Variants in PCDHGA2 observed in about 807,000 individuals in gnomAD.
PCDHGA2 encodes protocadherin gamma subfamily A, 2.
Under a neutral mutation model 59.2 loss-of-function variants are expected in PCDHGA2, and 40 were observed. The observed-to-expected ratio is 0.68, with a 90% CI of 0.52 to 0.88. The LOEUF is 0.88. PCDHGA2 is among the 40% of genes least tolerant of loss of function. The pLI, the probability that PCDHGA2 is intolerant of heterozygous loss-of-function variation, is 0.00. For missense variants in PCDHGA2, 1,226 were observed against 1,204.0 expected, an observed-to-expected ratio of 1.02 and a Z score of -0.27; for synonymous variants, 560 against 526.0, an observed-to-expected ratio of 1.06 and a Z score of -0.89.
At chr5:141,365,152 CG>C in intron 1 of PCDHGA2, 1 of 1,613,880 alleles carries the variant, frequency 6.2e-7, no homozygotes, top group South Asian at 1.1e-5. Context: ...AGGGAATAAA[CG>C]GGAAATTGAC....
chr5:141,432,133 C>G lies in PCDHGA2; in HGVS notation c.2425-62674C>G. ...CGGTCTTCCCTCAGGCCTCCTATTC[C>G]GCTTATATCCCAGAGAACAATCCCA... On this transcript the variant is annotated intron_variant, in intron 1 of 3. Transcript: ENST00000394576. The surrounding 1 kb of genome is among the most constrained non-coding windows in gnomAD (Gnocchi z 6.0). 1 of 1,614,142 alleles carries G rather than the reference C, an allele frequency of 6.2e-7. No homozygotes were observed. The highest frequency in any genetic ancestry group is 1.1e-5 in the South Asian group (1 of 91,070).
intron 1 of PCDHGA2, among the ~76,000 whole-genome samples, chr5:141,443,695 A>G (rs1324985529): frequency 1.3e-5 from 2 of 152,272 alleles, no homozygotes; most frequent in Non-Finnish European, 2.9e-5. Context: ...TTCAAAAATT[A>G]TAGAATAACA....
chr5:141,370,167 G>A, intron 1 of PCDHGA2: 3 of 459,112 alleles, frequency 6.5e-6, no homozygotes, highest in Non-Finnish European at 1.1e-5. Context: ...TGCAGCAGAG[G>A]CGCCGGGTGC....
At position 141,497,121 on chromosome 5, in the gene PCDHGA2, G is replaced by T. The variant is rs185298630; in HGVS notation, c.2483+2256G>T. Among the ~76,000 whole-genome samples, 563 of 152,212 alleles carry T rather than the reference G, an allele frequency of 3.7e-3. 5 individuals are homozygous for T. The highest frequency in any genetic ancestry group is 0.011 in the Admixed American group (164 of 15,296). On this transcript the variant is annotated intron_variant, in intron 2 of 3. Coordinates refer to ENST00000394576, the MANE Select transcript of PCDHGA2 (RefSeq NM_018915.4). Reference sequence around the variant, plus strand: ...GAACTGCTTGAACCCGGAAGGCAGAGGTTGCAGTGAGCTGAGATCACGAAA... The same window carrying T: ...GAACTGCTTGAACCCGGAAGGCAGATGTTGCAGTGAGCTGAGATCACGAAA...
At chr5:141,370,093 C>T (rs1766669679) in intron 1 of PCDHGA2, among the ~76,000 whole-genome samples, 1 of 152,218 alleles carries the variant, frequency 6.6e-6, no homozygotes, top group South Asian at 2.1e-4. Flanking sequence ...TATCAGTACA[C>T]TGCCGATTTT....
rs1757029719 is a variant in PCDHGA2, at chr5:141,341,182, C to T, written c.2211C>T (p.Ser737=). The change falls in exon 1 of 4, where the codon AGC becomes AGT. Residue 737 remains serine (S), a synonymous_variant. Coordinates refer to ENST00000394576, the MANE Select transcript of PCDHGA2 (RefSeq NM_018915.4). ...GAGGCAGCTTGACAGGCATGCAGAG[C>T]TCGCACTTTGTGGGCGTGGACGGGG... ...ASGGSLTGMQ[S]SHFVGVDGVR... The T allele has an allele frequency of 6.2e-7, 1 of 1,612,642 alleles. No homozygotes were observed. Among genetic ancestry groups the T allele is most frequent in the African/African-American group, 1.3e-5 (1 of 74,928 alleles).
intron 1 of PCDHGA2, among the ~76,000 whole-genome samples, chr5:141,445,248 T>C (rs1264046214): frequency 6.6e-6 from 1 of 152,224 alleles, no homozygotes; most frequent in African/African-American, 2.4e-5. Flanking sequence ...CACTATATTG[T>C]GTGAGAATAT....
chr5:141,490,317 C>A lies in PCDHGA2; in HGVS notation c.2425-4490C>A, dbSNP rs2233604. ...TATTGGCCTCTTTGGCCAACCCTGT[C>A]CTAGAGAGCACACCAGTGGGCACAG... On this transcript the variant is annotated intron_variant, in intron 1 of 3. Coordinates refer to ENST00000394576, the MANE Select transcript of PCDHGA2 (RefSeq NM_018915.4). The surrounding 1 kb of genome is among the most constrained non-coding windows in gnomAD (Gnocchi z 5.4). 32,069 of 1,614,158 alleles carry A rather than the reference C, an allele frequency of 0.02. 521 individuals carry two copies. Among genetic ancestry groups the A allele is most frequent in the African/African-American group, 0.081 (6,098 of 75,022 alleles).
At chr5:141,498,632 A>G (rs2099784830) in intron 2 of PCDHGA2, among the ~76,000 whole-genome samples, 1 of 152,118 alleles carries the variant, frequency 6.6e-6, no homozygotes, top group South Asian at 2.1e-4. Context: ...CACTGCCTAG[A>G]CAGAAGGAAG....
rs1331251272 is a variant in PCDHGA2 at position 141,394,996 on chromosome 5, C to G, written c.2424+53601C>G. The G allele has an allele frequency of 3.1e-6, 5 of 1,614,034 alleles. No individual in the cohort carries two copies. In the South Asian group the frequency reaches 5.5e-5, roughly 18 times the overall value. On this transcript the variant is annotated intron_variant, in intron 1 of 3. Coordinates refer to ENST00000394576, the MANE Select transcript of PCDHGA2 (RefSeq NM_018915.4). ...CACAAGTCACGCCTGCTCCAGGATTCCGGTGGCAGATTGGTAGGCGTGCCT... is the reference window on the plus strand; with the variant it reads ...CACAAGTCACGCCTGCTCCAGGATTGCGGTGGCAGATTGGTAGGCGTGCCT...
intron 1 of PCDHGA2, among the ~76,000 whole-genome samples, chr5:141,401,057 A>G (rs1021828194): frequency 1.3e-5 from 2 of 152,170 alleles, no homozygotes; most frequent in Non-Finnish European, 2.9e-5. Flanking sequence ...AAAATACTAT[A>G]TGTTGGCTGG....
At chr5:141,445,855 T>C (rs1432695384) in intron 1 of PCDHGA2, among the ~76,000 whole-genome samples, 1 of 152,222 alleles carries the variant, frequency 6.6e-6, no homozygotes, top group Non-Finnish European at 1.5e-5. Flanking sequence ...CTTAAAATTC[T>C]GGATTTTGTT....
At chr5:141,419,029 T>C in intron 1 of PCDHGA2, 1 of 1,613,886 alleles carries the variant, frequency 6.2e-7, no homozygotes, top group Non-Finnish European at 8.5e-7. Flanking sequence ...GTAGAGGTGT[T>C]CCATTTAAGA....
rs763451417 is a variant in PCDHGA2, at chr5:141,408,628, T to G, written c.2424+67233T>G. On this transcript the variant is annotated intron_variant, in intron 1 of 3. Transcript: ENST00000394576. The stretch of plus-strand genomic sequence containing the variant: ...ATAAAAAGGAAATACATTTAGAAAT[T>G]TTCGAATCTGCATCCGCTGGTACAC... The G allele has an allele frequency of 3.7e-6, 6 of 1,613,920 alleles. No individual in the cohort carries two copies. In the Admixed American group the frequency reaches 1.0e-4, roughly 27 times the overall value.
At chr5:141,378,827 A>G (rs983017381) in intron 1 of PCDHGA2, 1 of 152,256 alleles carries the variant, frequency 6.6e-6, no homozygotes, top group African/African-American at 2.4e-5. Flanking sequence ...TTTCATGAAC[A>G]GAAAACAGCA....
intron 1 of PCDHGA2, chr5:141,360,901 C>A (rs375994239): frequency 1.9e-6 from 3 of 1,614,024 alleles, no homozygotes; most frequent in Non-Finnish European, 2.5e-6. Context: ...GGAGGACGTG[C>A]CGCCGGGCTT....
chr5:141,423,877 C>A, intron 1 of PCDHGA2: 1 of 1,283,890 alleles, frequency 7.8e-7, no homozygotes, highest in Non-Finnish European at 9.9e-7. Flanking sequence ...ATTTTTCAAT[C>A]TTGGCATATT....
Position 141,362,012 on chromosome 5 carries a change from T to A in PCDHGA2, c.2424+20617T>A, listed in dbSNP as rs1228364834. 3.7e-6 allele frequency: 6 copies of A among 1,605,660 alleles called. No homozygotes were observed. In the Admixed American group the frequency reaches 6.7e-5, roughly 18 times the overall value. On this transcript the variant is annotated intron_variant, in intron 1 of 3. Coordinates refer to ENST00000394576, the MANE Select transcript of PCDHGA2 (RefSeq NM_018915.4). ...AGCCTGGGGTTGCGCACGGGTGAGG[T>A]GCGCACAGCGCGTGCCTTGGGCGAC...
chr5:141,375,892 G>T (rs753797132), intron 1 of PCDHGA2: 1 of 1,613,794 alleles, frequency 6.2e-7, no homozygotes, highest in African/African-American at 1.3e-5. Context: ...AGAACGCCTG[G>T]CTGTCCTACC....
Sources: allele counts gnomAD v4.1 joint callset (sites outside exome capture counted in the v4.1 genomes callset), GRCh38; gene constraint gnomAD v4.1.1; non-coding constraint Gnocchi (gnomAD v3.1); transcripts MANE v1.5; gene names NCBI Gene and HGNC (gene_info 2026-07-23, HGNC 2026-07-21).